LY6G5B: variants seen among roughly 807,000 people sequenced by gnomAD.
The protein encoded by LY6G5B is lymphocyte antigen 6 family member G5B, also known as lymphocyte antigen 6 complex locus protein G5b.
In LY6G5B, 6 loss-of-function variants were observed where a neutral mutation model predicts 6.7. The ratio of observed to expected loss-of-function variants is 0.89; its 90% CI spans 0.49 to 1.76. The LOEUF (loss-of-function observed/expected upper bound fraction) is 1.76, where lower values mean the gene tolerates loss of function less well. Ranked by LOEUF, LY6G5B falls within the 40% of genes most tolerant of loss-of-function variation. The pLI, the probability that LY6G5B is intolerant of heterozygous loss-of-function variation, is 0.01. For synonymous variants in LY6G5B, 98 were observed against 99.4 expected (o/e 0.99, Z 0.09); for missense variants, 240 against 249.5 (o/e 0.96, Z 0.26).
At chr6:31,671,237 G>A (rs769840516) in exon 2 of LY6G5B, 19 of 1,613,832 alleles carry the variant, frequency 1.2e-5, no homozygotes, top group South Asian at 2.2e-5. Context: ...TCAGAGAAGT[G>A]TACCATCAGC....
In LY6G5B at chr6:31,671,855, C is replaced by G. The variant is rs1802243215; in HGVS notation, c.188-9C>G. The G allele has an allele frequency of 1.3e-6, 2 of 1,599,904 alleles. No individual in the cohort carries two copies. The highest frequency in any genetic ancestry group is 4.5e-5 in the East Asian group (2 of 44,668). On this transcript the variant is annotated splice_polypyrimidine_tract_variant and intron_variant, in intron 2 of 2. Coordinates refer to ENST00000375864, the Ensembl canonical transcript of LY6G5B. ...TGGAAGGGGTTATCAGCTTTCCCCT[C>G]TCCCTCAGATGTCAAGGTTCGCTTC...
chr6:31,670,239 C>A, exon 1 of LY6G5B: 1 of 358,540 alleles, frequency 2.8e-6, no homozygotes, highest in East Asian at 4.4e-5. Context: ...CCTAGGACTG[C>A]GTGTGATGAA....
exon 3 of LY6G5B, chr6:31,671,953 T>C: frequency 6.2e-7 from 1 of 1,613,118 alleles, no homozygotes; most frequent in South Asian, 1.1e-5. Flanking sequence ...TGCAGAGTAC[T>C]GGTATCAGGC....
chr6:31,671,838 G>A, intron 2 of LY6G5B, 26 bp from the exon 3 acceptor site: 1 of 1,589,184 alleles, frequency 6.3e-7, no homozygotes, highest in Non-Finnish European at 8.6e-7. Context: ...ATTGGAAGGG[G>A]TTATCAGCTT....
At chr6:31,670,001 T>A, upstream of LY6G5B, 1 of 1,242,890 alleles carries the variant, frequency 8.0e-7, no homozygotes, top group South Asian at 1.4e-5. Flanking sequence ...CCCTGTATGG[T>A]TTTTAGTTTA....
chr6:31,671,795 TCAGTAG>T (rs1193155414), intron 2 of LY6G5B, 63 bp from the exon 3 acceptor site: 1 of 1,524,156 alleles, frequency 6.6e-7, no homozygotes, highest in African/African-American at 1.4e-5. Context: ...ATGGGAAAAG[TCAGTAG>T]CAGGGGTTCT....
At chr6:31,671,181 C>T (rs1318707698) in exon 2 of LY6G5B, 1 of 1,614,014 alleles carries the variant, frequency 6.2e-7, no homozygotes, top group African/African-American at 1.3e-5. Context: ...TCCGGACGTG[C>T]CACTTCTGCC....
chr6:31,670,827 A>G (rs1802154193), exon 1 of LY6G5B: 16 of 971,700 alleles, frequency 1.6e-5, no homozygotes, highest in Non-Finnish European at 2.2e-5. Context: ...CTCTGCATTT[A>G]CAGCAGCTCC....
exon 3 of LY6G5B, chr6:31,672,114 C>A (rs1295572693): frequency 6.2e-7 from 1 of 1,613,130 alleles, no homozygotes; most frequent in Non-Finnish European, 8.5e-7. Flanking sequence ...CCCTGCCCCT[C>A]CCCAATTTCC....
chr6:31,671,043 G>T (rs972622430), intron 1 of LY6G5B, 35 bp downstream of exon 1: 5 of 1,609,710 alleles, frequency 3.1e-6, no homozygotes, highest in Non-Finnish European at 4.2e-6. Context: ...GGGAGGAAGG[G>T]GTAACTGAGT....
At chr6:31,671,117 A>C in intron 1 of LY6G5B, 39 bp from the exon 2 acceptor site, 1 of 1,613,426 alleles carries the variant, frequency 6.2e-7, no homozygotes, top group Non-Finnish European at 8.5e-7. Flanking sequence ...GGTATTTGAG[A>C]GTGACCCAGT....
At chr6:31,672,437 C>T in exon 3 of LY6G5B, 1 of 861,644 alleles carries the variant, frequency 1.2e-6, no homozygotes, top group Non-Finnish European at 1.8e-6. Flanking sequence ...CTCTCTTGAA[C>T]TCTGGTGCTG....
exon 2 of LY6G5B, chr6:31,671,258 T>C: frequency 6.2e-7 from 1 of 1,613,846 alleles, no homozygotes; most frequent in Non-Finnish European, 8.5e-7. Flanking sequence ...AGCTCATCCC[T>C]GTGCATGGTG....
rs116451562 is a variant in LY6G5B, at chr6:31,672,987, C to T, written c.*705C>T. 6.4e-3 allele frequency: 975 copies of T among 152,466 alleles called. 29 individuals are homozygous for T. In the South Asian group the frequency reaches 0.09, roughly 14 times the overall value. 9.4% of individuals were successfully genotyped at this position (152,466 alleles called of 1,614,324 possible). On this transcript the variant is annotated 3_prime_UTR_variant, in exon 3 of 3. Transcript: ENST00000375864. ...CTAGCAGCAAGAAGGACGAGGAGGC[C>T]GGGCATGGTGGCTCACGCCGGTAAT...
chr6:31,671,085 A>G (rs1217313705), intron 1 of LY6G5B, 71 bp from the exon 2 acceptor site: 3 of 1,611,334 alleles, frequency 1.9e-6, no homozygotes, highest in Admixed American at 1.7e-5. Context: ...GCCATGGATA[A>G]TCGGGCTTCC....
At position 31,671,893 on chromosome 6, in the gene LY6G5B, T is replaced by C. The variant is rs985868580; in HGVS notation, c.217T>C (p.Cys73Arg). ...CAAGGTTCGCTTCATCGTTCGAGGCTGTGGACAGTACATTTCCTACCGCTG... is the reference window on the plus strand; with the variant it reads ...CAAGGTTCGCTTCATCGTTCGAGGCCGTGGACAGTACATTTCCTACCGCTG... The change falls in exon 3 of 3, where the codon TGT (cysteine) becomes CGT (arginine). Residue 73 changes from cysteine (C) to arginine (R), a missense_variant. Cys to Arg is a radical substitution (Grantham distance 180). Transcript: ENST00000375864. 20 of 1,612,628 alleles carry C rather than the reference T, an allele frequency of 1.2e-5. No individual in the cohort carries two copies. The African/African-American group carries it at 2.4e-4, about 19-fold the overall frequency.
chr6:31,671,203 C>G, exon 2 of LY6G5B: 1 of 1,613,958 alleles, frequency 6.2e-7, no homozygotes, highest in Non-Finnish European at 8.5e-7. Context: ...CGTAGAAGAC[C>G]CTTCTGTAGG....
exon 3 of LY6G5B, chr6:31,672,296 A>G: frequency 6.2e-7 from 1 of 1,603,502 alleles, no homozygotes; most frequent in African/African-American, 1.3e-5. Flanking sequence ...CCACAGTGCA[A>G]ATATCTTTCT....
exon 3 of LY6G5B, chr6:31,672,134 C>T (rs759666012): frequency 2.3e-5 from 37 of 1,613,122 alleles, no homozygotes; most frequent in Non-Finnish European, 2.9e-5. Context: ...CATGCTGGGA[C>T]GGAGCCTGAT....
Sources: gnomAD v4.1 joint callset for allele counts on GRCh38, gnomAD v4.1.1 for gene constraint, MANE v1.5 for transcripts, NCBI Gene and HGNC (gene_info 2026-07-23, HGNC 2026-07-21) for gene names.